The following TSC1 variants were observed in gnomAD, a reference collection of about 807,000 sequenced individuals.
TSC1 encodes the protein TSC complex subunit 1, also known as hamartin.
A neutral mutation model predicts 124.3 loss-of-function variants in TSC1; 20 were observed. That is an observed-to-expected ratio of 0.16 (90% CI 0.11 to 0.23). The LOEUF (loss-of-function observed/expected upper bound fraction) is 0.23. Among genes scored for constraint, TSC1 ranks in the 10% least tolerant of loss-of-function variants. TSC1 has a pLI of 1.00. For missense variants in TSC1, 1,124 were observed against 1,448.5 expected (o/e 0.78, Z 3.64); for synonymous variants, 493 against 539.1 (o/e 0.91, Z 1.19).
At chr9:132,900,665 G>C in intron 20 of TSC1, 50 bp downstream of exon 20, 2 of 1,611,760 alleles carry the variant, frequency 1.2e-6, no homozygotes, top group Non-Finnish European at 1.7e-6. Flanking sequence ...ATACTGTCTG[G>C]GTCTGAAACG....
chr9:132,892,368 C>T lies in TSC1; in HGVS notation c.*3867G>A, dbSNP rs911093700. The T allele has an allele frequency of 8.6e-6, 2 of 233,278 alleles. No homozygotes were observed. The highest frequency in any genetic ancestry group is 4.4e-5 in the African/African-American group (2 of 45,356). The allele number at this position is 233,278 out of a possible 1,614,324, so 14.5% of individuals were successfully genotyped here. ...ATGTAAACAGATACACAAACATCTT[C>T]AGACTGGATACATTTTTCCAATACT... is the stretch of plus-strand genomic sequence containing the variant. On this transcript the variant is annotated 3_prime_UTR_variant, in exon 23 of 23. Coordinates refer to ENST00000298552, the MANE Select transcript of TSC1 (RefSeq NM_000368.5).
Position 132,911,325 on chromosome 9 carries a change from T to C in TSC1, c.1029+128A>G. 28 of 868,096 alleles carry C rather than the reference T, an allele frequency of 3.2e-5. No individual in the cohort carries two copies. The South Asian group carries it at 3.7e-4, about 11-fold the overall frequency. The allele number at this position is 868,096 out of a possible 1,614,324, so 53.8% of individuals were successfully genotyped here. ...ACAGTAACTTTCTTTGCTAATATCA[T>C]GGATCCTTAAAAGTGACTCCTGAAA... is the stretch of plus-strand genomic sequence containing the variant. On this transcript the variant is annotated intron_variant, in intron 10 of 22. Transcript: ENST00000298552.
intron 8 of TSC1, among the ~76,000 whole-genome samples, chr9:132,920,121 C>T (rs1473445439): frequency 1.3e-5 from 2 of 152,306 alleles, no homozygotes; most frequent in African/African-American, 4.8e-5. Context: ...GTTTCCCAGA[C>T]TCATTCATGA....
In TSC1 at chr9:132,921,254, G is replaced by A. The variant is rs1846534354; in HGVS notation, c.737+109C>T. 1.7e-6 allele frequency: 2 copies of A among 1,188,006 alleles called. No individual in the cohort carries two copies. Among genetic ancestry groups the A allele is most frequent in the African/African-American group, 1.5e-5 (1 of 65,890 alleles). 73.6% of individuals were successfully genotyped at this position (1,188,006 alleles called of 1,614,324 possible). On this transcript the variant is annotated intron_variant, in intron 8 of 22. Transcript: ENST00000298552. This position sits in a 1 kb window ranked among gnomAD's most constrained non-coding sequence, Gnocchi z 4.3. ...GAGTGCTTCCAAGTGGACTGATTCT[G>A]TAAGTAGAACATCTATATTCCCAAA...
In TSC1 at chr9:132,903,764, G is replaced by A. The variant is rs1845505547; in HGVS notation, c.2095C>T (p.His699Tyr). Residue 699 changes from histidine to tyrosine, a missense_variant, in exon 17 of 23, where the codon CAC becomes TAC. Around this residue, in one of 5 missense-constraint regions of TSC1, gnomAD observed 321 missense variants for 397.4 expected, o/e 0.81. Transcript: ENST00000298552. This position sits in a 1 kb window ranked among gnomAD's most constrained non-coding sequence, Gnocchi z 5.9. Reference sequence around the variant, plus strand: ...AAACGCTCATAGAGTAACTGGTTGTGCAGTAAAAGCAACTGGTCTCGGAGG... The same window carrying A: ...AAACGCTCATAGAGTAACTGGTTGTACAGTAAAAGCAACTGGTCTCGGAGG... ...RTLRDQLLLL[H>Y]NQLLYERFKR... 6.2e-7 allele frequency: 1 copy of A among 1,613,930 alleles called. No homozygotes were observed. Among genetic ancestry groups the A allele is most frequent in the Non-Finnish European group, 8.5e-7 (1 of 1,180,044 alleles).
rs751247705 is a variant in TSC1, at chr9:132,905,770, G to C, written c.1808C>G (p.Pro603Arg). The C allele has an allele frequency of 1.9e-6, 3 of 1,614,064 alleles. No individual in the cohort carries two copies. The African/African-American group carries it at 4.0e-5, about 22-fold the overall frequency. The stretch of plus-strand genomic sequence containing the variant: ...TGCCACCTCAAAAAGATGATCATAC[G>C]GGGGAGGCTGCCCGCTTCCAAAGCC... The part of the protein sequence containing the change: ...RVGFGSGQPP[P>R]YDHLFEVALP... Residue 603 changes from proline (P) to arginine (R), a missense_variant, in exon 15 of 23, where the codon CCG becomes CGG. This residue lies in a region of TSC1 where 321 missense variants were observed against 397.4 expected (regional missense o/e 0.81). Transcript: ENST00000298552.
In TSC1 at chr9:132,906,276, T is replaced by G; in HGVS notation, c.1439-137A>C. Reference sequence around the variant, plus strand: ...AAAAGTGGCATCCGGCTGGACACAGTGGCTCACGCCTGTAATGCCAGAACT... The same window carrying G: ...AAAAGTGGCATCCGGCTGGACACAGGGGCTCACGCCTGTAATGCCAGAACT... On this transcript the variant is annotated intron_variant, in intron 14 of 22. Transcript: ENST00000298552. The surrounding 1 kb of genome is among the most constrained non-coding windows in gnomAD (Gnocchi z 4.1). 2.0e-6 allele frequency: 2 copies of G among 1,004,378 alleles called. No individual in the cohort carries two copies. Among genetic ancestry groups the G allele is most frequent in the Non-Finnish European group, 3.0e-6 (2 of 662,798 alleles). 62.2% of individuals were successfully genotyped at this position (1,004,378 alleles called of 1,614,324 possible).
intron 1 of TSC1, among the ~76,000 whole-genome samples, chr9:132,938,495 T>A (rs528500954): frequency 6.6e-6 from 1 of 152,244 alleles, no homozygotes; most frequent in Non-Finnish European, 1.5e-5. Flanking sequence ...AGGAAGAAGA[T>A]AAGGGCTCTG....
chr9:132,896,210 G>A lies in TSC1; in HGVS notation c.*25C>T, dbSNP rs2131584638. 6.2e-7 allele frequency: 1 copy of A among 1,614,142 alleles called. No individual in the cohort carries two copies. Among genetic ancestry groups the A allele is most frequent in the Non-Finnish European group, 8.5e-7 (1 of 1,180,040 alleles). On this transcript the variant is annotated 3_prime_UTR_variant, in exon 23 of 23. Transcript: ENST00000298552. This position sits in a 1 kb window ranked among gnomAD's most constrained non-coding sequence, Gnocchi z 4.5. ...CCTGTTCTGTGCCAACAATATGCAA[G>A]TTAACACTGATTGACCATCATTCCT...
chr9:132,937,529 T>C (rs1329602305), intron 1 of TSC1, among the ~76,000 whole-genome samples: 1 of 152,232 alleles, frequency 6.6e-6, no homozygotes, highest in Admixed American at 6.5e-5. Flanking sequence ...CAGTGAGTCA[T>C]ATAGACTTCC....
At chr9:132,925,978 C>T (rs1414319964) in intron 4 of TSC1, 9 of 535,906 alleles carry the variant, frequency 1.7e-5, no homozygotes, top group East Asian at 3.3e-5. Flanking sequence ...CTACAATACA[C>T]GCATGCAGAA....
In TSC1 at chr9:132,927,304, T is replaced by A. The variant is rs148468036; in HGVS notation, c.107A>T (p.Asp36Val). 1.2e-6 allele frequency: 2 copies of A among 1,613,548 alleles called. No homozygotes were observed. The highest frequency in any genetic ancestry group is 1.7e-6 in the Non-Finnish European group (2 of 1,179,732). The change falls in exon 4 of 23, where the codon GAC becomes GTC. Residue 36 changes from aspartate to valine, a missense_variant and splice_region_variant. By Grantham distance (152) the Asp-to-Val change is radical. Around this residue, in one of 5 missense-constraint regions of TSC1, gnomAD observed 463 missense variants for 606.8 expected, o/e 0.76. Transcript: ENST00000298552. ...TAVFKENLNS[D>V]RGPMLVNTLV... ...GGTGTTTACAAGCATAGGGCCACGGTCTAAATCAAGAAAAGGGCAATGGAT... is the reference window on the plus strand; with the variant it reads ...GGTGTTTACAAGCATAGGGCCACGGACTAAATCAAGAAAAGGGCAATGGAT...
chr9:132,925,688 A>C lies in TSC1; in HGVS notation c.262T>G (p.Ser88Ala), dbSNP rs1846816968. Residue 88 changes from serine to alanine, a missense_variant, in exon 5 of 23, where the codon TCC becomes GCC. By Grantham distance (99) the Ser-to-Ala change is moderately conservative. This residue lies in a region of TSC1 where 463 missense variants were observed against 606.8 expected (regional missense o/e 0.76). Coordinates refer to ENST00000298552, the MANE Select transcript of TSC1 (RefSeq NM_000368.5). ...ACATGACCCAGTAACGAGAGGATGGATAAACGAGTGGCGGCTTTGCCCACA... is the reference window on the plus strand; with the variant it reads ...ACATGACCCAGTAACGAGAGGATGGCTAAACGAGTGGCGGCTTTGCCCACA... Reference protein sequence around the residue: ...EYVGKAATRLSILSLLGHVIR... With the variant: ...EYVGKAATRLAILSLLGHVIR... 2 of 1,614,138 alleles carry C rather than the reference A, an allele frequency of 1.2e-6. No homozygotes were observed. Among genetic ancestry groups the C allele is most frequent in the Non-Finnish European group, 1.7e-6 (2 of 1,180,058 alleles).
chr9:132,927,245 G>A lies in TSC1; in HGVS notation c.166C>T (p.Pro56Ser), dbSNP rs1330089369. 2.5e-6 allele frequency: 4 copies of A among 1,613,916 alleles called. No individual in the cohort carries two copies. Among genetic ancestry groups the A allele is most frequent in the Non-Finnish European group, 3.4e-6 (4 of 1,179,970 alleles). ...VDYYLETSSQ[P>S]ALHILTTLQE... is the part of the protein sequence containing the mutation. Reference sequence around the variant, plus strand: ...AAGGTGGTCAGGATGTGCAATGCCGGCTGAGAGCTGGTTTCCAGGTAATAA... The same window carrying A: ...AAGGTGGTCAGGATGTGCAATGCCGACTGAGAGCTGGTTTCCAGGTAATAA... The change falls in exon 4 of 23, where the codon CCG becomes TCG. Residue 56 changes from proline to serine, a missense_variant. By Grantham distance (74) the Pro-to-Ser change is moderately conservative (BLOSUM62 -1). Coordinates refer to ENST00000298552, the MANE Select transcript of TSC1 (RefSeq NM_000368.5).
At chr9:132,932,827 C>T (rs543890693) in intron 2 of TSC1, among the ~76,000 whole-genome samples, 2 of 152,310 alleles carry the variant, frequency 1.3e-5, no homozygotes, top group East Asian at 3.9e-4. Flanking sequence ...TCTGATGGGC[C>T]TCCCCTGACC....
Position 132,923,498 on chromosome 9 carries a change from G to C in TSC1, c.364-6C>G. 6.2e-7 allele frequency: 1 copy of C among 1,614,098 alleles called. No homozygotes were observed. Among genetic ancestry groups the C allele is most frequent in the Non-Finnish European group, 8.5e-7 (1 of 1,179,948 alleles). On this transcript the variant is annotated splice_region_variant and splice_polypyrimidine_tract_variant and intron_variant, in intron 5 of 22. Coordinates refer to ENST00000298552, the MANE Select transcript of TSC1 (RefSeq NM_000368.5). This position sits in a 1 kb window ranked among gnomAD's most constrained non-coding sequence, Gnocchi z 4.2. ...ACAACGACGTCAGTGTCCATCTGCAGGAGAAAAGGTCAAACAGGAAACGTC... is the reference window on the plus strand; with the variant it reads ...ACAACGACGTCAGTGTCCATCTGCACGAGAAAAGGTCAAACAGGAAACGTC...
chr9:132,910,301 CAAAAAAA>C (rs10712193), intron 12 of TSC1: 283 of 479,024 alleles, frequency 5.9e-4, no homozygotes, highest in Admixed American at 7.7e-4. Context: ...ACCCTGTCTC[CAAAAAAA>C]AAAAAAAAAA....
chr9:132,936,596 T>A (rs1402931573), intron 1 of TSC1, among the ~76,000 whole-genome samples: 1 of 152,246 alleles, frequency 6.6e-6, no homozygotes, highest in Non-Finnish European at 1.5e-5. Flanking sequence ...AATGAGTATA[T>A]ATAAATACAT....
At chr9:132,941,378 G>A (rs1847729080) in intron 1 of TSC1, 2 of 152,092 alleles carry the variant, frequency 1.3e-5, no homozygotes, top group Non-Finnish European at 2.9e-5. Context: ...GTCTTAAAAA[G>A]TAAACCAGAG....
Sources: allele counts gnomAD v4.1 joint callset (sites outside exome capture counted in the v4.1 genomes callset), GRCh38; gene constraint gnomAD v4.1.1; regional missense constraint gnomAD v4.1.1; non-coding constraint Gnocchi (gnomAD v3.1); transcripts MANE v1.5; gene names NCBI Gene and HGNC (gene_info 2026-07-23, HGNC 2026-07-21).